DOCK1: variants seen among roughly 807,000 people sequenced by gnomAD.
DOCK1 encodes the protein dedicator of cytokinesis 1.
Under a neutral mutation model 262.7 loss-of-function variants are expected in DOCK1, and 138 were observed. The observed-to-expected ratio is 0.53, with a 90% CI of 0.46 to 0.61. The LOEUF is 0.61. Among genes scored for constraint, DOCK1 ranks in the 20% least tolerant of loss-of-function variants. The probability of loss-of-function intolerance (pLI) is 0.00; values close to 1 mark genes in which losing one functional copy is unlikely to be tolerated. For missense variants in DOCK1, 1,908 were observed against 2,370.7 expected (o/e 0.80, Z 4.05); for synonymous variants, 866 against 867.4 (o/e 1.00, Z 0.03).
chr10:127,257,652 C>G (rs1418956149), intron 29 of DOCK1: 1 of 390,134 alleles, frequency 2.6e-6, no homozygotes, highest in East Asian at 3.7e-5. Flanking sequence ...TGAGCTCCGT[C>G]CCCTGGAGAA....
At chr10:126,920,300 T>A (rs1239782196) in intron 1 of DOCK1, among the ~76,000 whole-genome samples, 1 of 152,256 alleles carries the variant, frequency 6.6e-6, no homozygotes, top group East Asian at 1.9e-4. Flanking sequence ...CTTAATAAAA[T>A]GTTCCAGTAA....
chr10:127,439,387 G>A, intron 49 of DOCK1, 162 bp downstream of exon 49: 1 of 718,132 alleles, frequency 1.4e-6, no homozygotes, highest in Non-Finnish European at 2.3e-6. Flanking sequence ...AATGTCCCAA[G>A]GCAGTAGGAC....
chr10:127,199,387 A>G (rs370062073), intron 27 of DOCK1, among the ~76,000 whole-genome samples: 2 of 152,218 alleles, frequency 1.3e-5, no homozygotes, highest in African/African-American at 2.4e-5. Flanking sequence ...ATACAAGTCA[A>G]ACATGTTCAA....
intron 5 of DOCK1, 36 bp downstream of exon 5, chr10:126,987,653 T>C: frequency 2.6e-6 from 4 of 1,510,726 alleles, no homozygotes; most frequent in Non-Finnish European, 3.6e-6. Flanking sequence ...AGCTTAGAAA[T>C]AGAGAGTGGG....
At chr10:127,393,873 C>G (rs961453587) in intron 38 of DOCK1, among the ~76,000 whole-genome samples, 1 of 150,862 alleles carries the variant, frequency 6.6e-6, no homozygotes, top group Non-Finnish European at 1.5e-5. Context: ...CATTCTTTTA[C>G]GTTTCCTCCT....
intron 29 of DOCK1, among the ~76,000 whole-genome samples, chr10:127,314,731 T>G (rs2062200288): frequency 6.6e-6 from 1 of 152,192 alleles, no homozygotes; most frequent in Non-Finnish European, 1.5e-5. Context: ...TTCCCAGACT[T>G]CTTCAGAAAG....
intron 12 of DOCK1, among the ~76,000 whole-genome samples, chr10:127,017,501 A>C (rs1044074598): frequency 3.7e-5 from 2 of 54,506 alleles, no homozygotes; most frequent in African/African-American, 1.8e-4. Context: ...ATACACAGAG[A>C]CACACACAGA....
In DOCK1 at chr10:127,062,247, AT is replaced by A. The variant is rs1402560183; in HGVS notation, c.2445+475del. 4.6e-5 allele frequency among the ~76,000 whole-genome samples: 7 copies of A among 151,802 alleles called. No individual in the cohort carries two copies. In the East Asian group the frequency reaches 1.2e-3, roughly 25 times the overall value. ...AGCCACTGTGCCCGGCCTTTTTTTA[AT>A]TTTAATTTTATTTTTAGATGACACA... is the stretch of plus-strand genomic sequence containing the variant. On this transcript the variant is annotated intron_variant, in intron 23 of 51. Coordinates refer to ENST00000623213, the MANE Select transcript of DOCK1 (RefSeq NM_001290223.2).
At chr10:126,965,698 GT>G (rs1165945126) in intron 1 of DOCK1, among the ~76,000 whole-genome samples, 5 of 151,612 alleles carry the variant, frequency 3.3e-5, no homozygotes, top group Non-Finnish European at 7.4e-5. Flanking sequence ...TAGTCAAGTT[GT>G]TTTTTTTGCT....
chr10:127,429,970 A>G (rs1281413032), intron 47 of DOCK1, among the ~76,000 whole-genome samples: 2 of 152,124 alleles, frequency 1.3e-5, no homozygotes, highest in African/African-American at 4.8e-5. Context: ...AGGGAAATTG[A>G]TCCTGGTTCT....
At chr10:127,058,554 CT>C (rs1170988921) in intron 22 of DOCK1, among the ~76,000 whole-genome samples, 3 of 151,762 alleles carry the variant, frequency 2.0e-5, no homozygotes, top group Admixed American at 6.6e-5. Flanking sequence ...TTAATTTTCC[CT>C]TCCCCATCTG....
At chr10:127,378,026 G>T (rs911553225) in intron 35 of DOCK1, among the ~76,000 whole-genome samples, 1 of 151,832 alleles carries the variant, frequency 6.6e-6, no homozygotes. Flanking sequence ...ATGTATATTT[G>T]TAATTCTTTA....
chr10:127,147,678 C>A (rs1277220813), intron 27 of DOCK1, among the ~76,000 whole-genome samples: 1 of 152,002 alleles, frequency 6.6e-6, no homozygotes, highest in African/African-American at 2.4e-5. Context: ...TCAATTAATA[C>A]CCTTTAGGAC....
intron 27 of DOCK1, among the ~76,000 whole-genome samples, chr10:127,172,003 C>A (rs76954197): frequency 2.0e-4 from 30 of 152,218 alleles, no homozygotes; most frequent in African/African-American, 7.0e-4. Flanking sequence ...CCGTGCCCGG[C>A]CTCCACTGAT....
At chr10:127,160,897 G>A (rs1051912013) in intron 27 of DOCK1, among the ~76,000 whole-genome samples, 1 of 152,068 alleles carries the variant, frequency 6.6e-6, no homozygotes, top group Admixed American at 6.5e-5. Context: ...GTCTCTTCTC[G>A]ATAACTAAGC....
intron 27 of DOCK1, among the ~76,000 whole-genome samples, chr10:127,142,042 A>G (rs2483853): frequency 0.47 from 70,767 of 152,132 alleles, 18,618 homozygotes; most frequent in Middle Eastern, 0.65. Context: ...GTGAGTGACC[A>G]GCTACCACAG....
At chr10:126,975,452 AC>A (rs1361130360) in intron 2 of DOCK1, among the ~76,000 whole-genome samples, 2 of 152,088 alleles carry the variant, frequency 1.3e-5, no homozygotes, top group Non-Finnish European at 2.9e-5. Flanking sequence ...GGACACTGCC[AC>A]CCACGGTGAC....
At chr10:127,414,386 T>C (rs1471734503) in intron 43 of DOCK1, among the ~76,000 whole-genome samples, 1 of 152,244 alleles carries the variant, frequency 6.6e-6, no homozygotes, top group Admixed American at 6.5e-5. Context: ...AGTTGACCCC[T>C]GCATTGGAGT....
intron 10 of DOCK1, chr10:127,000,646 T>C (rs1006593483): frequency 6.9e-5 from 14 of 203,550 alleles, no homozygotes; most frequent in African/African-American, 2.8e-4. Context: ...AGAATGGATA[T>C]GTGCAGGACG....
Sources: allele counts gnomAD v4.1 joint callset (sites outside exome capture counted in the v4.1 genomes callset), GRCh38; gene constraint gnomAD v4.1.1; transcripts MANE v1.5; gene names NCBI Gene and HGNC (gene_info 2026-07-23, HGNC 2026-07-21).